PPFIBP1: variants seen among roughly 807,000 people sequenced by gnomAD.
PPFIBP1 encodes liprin-beta-1.
In PPFIBP1, 112 loss-of-function variants were observed where a neutral mutation model predicts 137.8. That is an observed-to-expected ratio of 0.81 (90% CI 0.70 to 0.95). The LOEUF is 0.95. PPFIBP1 is among the 40% of genes least tolerant of loss of function. PPFIBP1 has a pLI of 0.00. For missense variants in PPFIBP1, 1,083 were observed against 1,196.6 expected (o/e 0.91, Z 1.40); for synonymous variants, 378 against 417.3 (o/e 0.91, Z 1.15).
At chr12:27,540,282 C>T (rs983124186) in intron 1 of PPFIBP1, among the ~76,000 whole-genome samples, 7 of 148,908 alleles carry the variant, frequency 4.7e-5, no homozygotes, top group African/African-American at 1.2e-4. Flanking sequence ...GGTTGAGAAA[C>T]GCTGCCTTGA....
In PPFIBP1 at chr12:27,647,834, C is replaced by A. The variant is rs777542702; in HGVS notation, c.463C>A (p.Leu155Met). 4.3e-6 allele frequency: 7 copies of A among 1,611,456 alleles called. No homozygotes were observed. The highest frequency in any genetic ancestry group is 5.1e-6 in the Non-Finnish European group (6 of 1,178,918). Residue 155 changes from leucine (L) to methionine (M), a missense_variant, in exon 6 of 30, where the codon CTG becomes ATG. Physicochemically the swap from Leu to Met is conservative, Grantham distance 15 (BLOSUM62 2). Transcript: ENST00000228425. Reference protein sequence around the residue: ...REKVNATEEMLQQELLSRTSL... With the variant: ...REKVNATEEMMQQELLSRTSL... The stretch of plus-strand genomic sequence containing the variant: ...GAAGGTGAATGCCACAGAAGAAATG[C>A]TGCAGCAGGTATGTGCAGAGGCCAG...
intron 2 of PPFIBP1, among the ~76,000 whole-genome samples, chr12:27,599,804 A>C (rs2053764650): frequency 6.6e-6 from 1 of 152,210 alleles, no homozygotes; most frequent in African/African-American, 2.4e-5. Flanking sequence ...TTTGTGGGAC[A>C]TTTGACAGAG....
chr12:27,601,910 T>C (rs7308748), intron 2 of PPFIBP1, among the ~76,000 whole-genome samples: 88,464 of 152,114 alleles, frequency 0.58, 26,216 homozygotes, highest in Non-Finnish European at 0.62. Context: ...TAGCCACATG[T>C]GGCTACTAAA....
intron 1 of PPFIBP1, among the ~76,000 whole-genome samples, chr12:27,557,983 T>C (rs1163023288): frequency 6.6e-6 from 1 of 152,232 alleles, no homozygotes; most frequent in Admixed American, 6.5e-5. Context: ...TCCTGTTTTA[T>C]TTGAAGCTCT....
intron 27 of PPFIBP1, among the ~76,000 whole-genome samples, chr12:27,690,084 A>G (rs1015039307): frequency 2.6e-5 from 4 of 151,724 alleles, no homozygotes; most frequent in Non-Finnish European, 5.9e-5. Context: ...GCTTCCCCTC[A>G]TGTCTAGCTA....
chr12:27,623,953 C>T (rs1229568403), intron 2 of PPFIBP1, among the ~76,000 whole-genome samples: 20 of 152,120 alleles, frequency 1.3e-4, no homozygotes, highest in Admixed American at 1.0e-3. Flanking sequence ...TTTCAAGGAG[C>T]ACACAGCTTC....
rs773186244 is a variant in PPFIBP1 at position 27,656,625 on chromosome 12, G to A, written c.706G>A (p.Ala236Thr). 16 of 1,599,738 alleles carry A rather than the reference G, an allele frequency of 1.0e-5. No homozygotes were observed. Among genetic ancestry groups the A allele is most frequent in the Non-Finnish European group, 1.7e-6 (2 of 1,167,594 alleles). ...KKLKSTKDEL[A>T]SLKEQLEEKE... is the part of the protein sequence containing the mutation. ...AATTTGTAACTTGTAGGATGAACTGGCATCTTTAAAAGAACAACTAGAAGA... is the reference window on the plus strand; with the variant it reads ...AATTTGTAACTTGTAGGATGAACTGACATCTTTAAAAGAACAACTAGAAGA... Residue 236 changes from alanine (A) to threonine (T), a missense_variant, in exon 9 of 30, where the codon GCA becomes ACA. Ala to Thr is a moderately conservative substitution (Grantham distance 58, BLOSUM62 0). Transcript: ENST00000228425.
chr12:27,560,542 G>T (rs1310670893), intron 1 of PPFIBP1, among the ~76,000 whole-genome samples: 1 of 152,214 alleles, frequency 6.6e-6, no homozygotes. Flanking sequence ...GTTCCTCAAA[G>T]CAGGACTGGC....
intron 2 of PPFIBP1, among the ~76,000 whole-genome samples, chr12:27,596,526 A>G (rs1047129514): frequency 6.6e-6 from 1 of 151,824 alleles, no homozygotes; most frequent in East Asian, 1.9e-4. Context: ...TTTTATTATT[A>G]TTTTTTATTT....
At chr12:27,670,118 A>AT (rs568801488) in intron 13 of PPFIBP1, among the ~76,000 whole-genome samples, 108 of 146,296 alleles carry the variant, frequency 7.4e-4, no homozygotes, top group African/African-American at 1.8e-3. Flanking sequence ...AACTTTGTTC[A>AT]TTTTTTTTTT....
chr12:27,536,135 G>T (rs1468488748), intron 1 of PPFIBP1, among the ~76,000 whole-genome samples: 1 of 152,154 alleles, frequency 6.6e-6, no homozygotes, highest in Non-Finnish European at 1.5e-5. Context: ...AGTTGTATTG[G>T]TAACACACTT....
intron 2 of PPFIBP1, among the ~76,000 whole-genome samples, chr12:27,604,378 G>A (rs540294601): frequency 4.5e-4 from 68 of 152,270 alleles, no homozygotes; most frequent in Admixed American, 1.8e-3. Flanking sequence ...GAGCAGAACC[G>A]CAACAGGTGA....
chr12:27,532,764 A>C (rs181187222), intron 1 of PPFIBP1, among the ~76,000 whole-genome samples: 1 of 152,296 alleles, frequency 6.6e-6, no homozygotes, highest in African/African-American at 2.4e-5. Context: ...ATTTAGAGAA[A>C]AGAGAGAACA....
chr12:27,559,203 G>A (rs1410704562), intron 1 of PPFIBP1, among the ~76,000 whole-genome samples: 4 of 150,430 alleles, frequency 2.7e-5, no homozygotes, highest in East Asian at 2.0e-4. Context: ...ACGGAGTCTC[G>A]CTCTGTTGCC....
At chr12:27,545,564 A>G (rs1169349829) in intron 1 of PPFIBP1, among the ~76,000 whole-genome samples, 1 of 152,140 alleles carries the variant, frequency 6.6e-6, no homozygotes. Context: ...GAGTAAATAG[A>G]GTAATTAGTG....
At chr12:27,636,309 T>TGC (rs2057672163) in intron 4 of PPFIBP1, 1 of 151,358 alleles carries the variant, frequency 6.6e-6, no homozygotes, top group Non-Finnish European at 1.5e-5. Context: ...ATACTTTCTA[T>TGC]TTGCTCTACA....
intron 2 of PPFIBP1, among the ~76,000 whole-genome samples, chr12:27,623,866 G>A (rs1366696831): frequency 2.6e-5 from 4 of 152,114 alleles, no homozygotes; most frequent in African/African-American, 9.7e-5. Flanking sequence ...GAGCCACTGA[G>A]TCATAGCTGC....
intron 13 of PPFIBP1, among the ~76,000 whole-genome samples, chr12:27,667,558 A>G (rs2059931597): frequency 6.6e-6 from 1 of 152,238 alleles, no homozygotes; most frequent in South Asian, 2.1e-4. Flanking sequence ...AGGAGTAAAC[A>G]GTTATACACT....
chr12:27,532,258 T>A (rs1407485315), intron 1 of PPFIBP1, among the ~76,000 whole-genome samples: 1 of 152,234 alleles, frequency 6.6e-6, no homozygotes, highest in Admixed American at 6.5e-5. Context: ...ATGGCACACC[T>A]TATTCATAAC....
Sources: gnomAD v4.1 joint callset for allele counts (sites outside exome capture counted in the v4.1 genomes callset) on GRCh38, gnomAD v4.1.1 for gene constraint, MANE v1.5 for transcripts, NCBI Gene and HGNC (gene_info 2026-07-23, HGNC 2026-07-21) for gene names.